DLGAP5: variants seen among roughly 807,000 people sequenced by gnomAD.
The protein encoded by DLGAP5 is disks large-associated protein 5.
Under a neutral mutation model 99.6 loss-of-function variants are expected in DLGAP5, and 90 were observed. The ratio of observed to expected loss-of-function variants is 0.90; its 90% CI spans 0.76 to 1.08. DLGAP5 has a LOEUF of 1.08. DLGAP5 is among the 50% of genes least tolerant of loss of function. The pLI is 0.00. For missense variants in DLGAP5, 1,036 were observed against 983.5 expected (o/e 1.05, Z -0.71); for synonymous variants, 311 against 321.3 (o/e 0.97, Z 0.34).
rs36046494 is a variant in DLGAP5 at position 55,180,785 on chromosome 14, GA to G, written c.581-8del. 5.8e-4 allele frequency: 917 copies of G among 1,593,552 alleles called. No homozygotes were observed. The highest frequency in any genetic ancestry group is 6.9e-4 in the Non-Finnish European group (809 of 1,169,250). On this transcript the variant is annotated splice_region_variant and splice_polypyrimidine_tract_variant and intron_variant, in intron 5 of 18. Transcript: ENST00000247191. ...GGCATTACAGGCTGCACAACTGTGG[GA>G]AAAAAAAATAACTACATCAAATGTC...
rs773419752 is a variant in DLGAP5, at chr14:55,154,597, T to C, written c.2063+20A>G. On this transcript the variant is annotated intron_variant, in intron 15 of 18. Transcript: ENST00000247191. The stretch of plus-strand genomic sequence containing the variant: ...AGTATCAGCAACTGTTAAACTCTTA[T>C]TAACATGTTAAAGAAATACCTGCTT... 1.3e-6 allele frequency: 2 copies of C among 1,599,142 alleles called. No individual in the cohort carries two copies. Among genetic ancestry groups the C allele is most frequent in the Admixed American group, 3.3e-5 (2 of 59,988 alleles).
intron 13 of DLGAP5, among the ~76,000 whole-genome samples, chr14:55,160,487 G>A (rs970561569): frequency 1.3e-5 from 2 of 151,654 alleles, no homozygotes; most frequent in Admixed American, 6.6e-5. Flanking sequence ...TTGATGTGTC[G>A]CCCAGGCTGG....
intron 13 of DLGAP5, among the ~76,000 whole-genome samples, chr14:55,159,432 A>G (rs1261852572): frequency 6.6e-6 from 1 of 152,212 alleles, no homozygotes; most frequent in Non-Finnish European, 1.5e-5. Context: ...AAGGAGTAAG[A>G]GATGAAAAAA....
intron 10 of DLGAP5, among the ~76,000 whole-genome samples, chr14:55,173,593 C>T (rs543442228): frequency 7.1e-6 from 1 of 141,058 alleles, no homozygotes; most frequent in South Asian, 2.1e-4. Context: ...TGTTGTCTCT[C>T]TCTCTCTCTC....
intron 5 of DLGAP5, 59 bp downstream of exon 5, chr14:55,181,153 TA>T (rs1181922805): frequency 5.3e-5 from 79 of 1,490,838 alleles, no homozygotes; most frequent in Middle Eastern, 1.7e-4. Flanking sequence ...TCAAGACACT[TA>T]AAAAAAATTA....
intron 18 of DLGAP5, among the ~76,000 whole-genome samples, chr14:55,149,291 A>G (rs979886017): frequency 6.6e-6 from 1 of 152,210 alleles, no homozygotes; most frequent in Non-Finnish European, 1.5e-5. Context: ...TCAGGTTTAC[A>G]TAAGTTGGCT....
chr14:55,168,959 G>A (rs550030733), intron 12 of DLGAP5, among the ~76,000 whole-genome samples: 28 of 152,042 alleles, frequency 1.8e-4, no homozygotes, highest in South Asian at 1.2e-3. Flanking sequence ...GGTGGATCAC[G>A]AGGTCAGAAG....
At chr14:55,167,009 A>G (rs1882667411) in intron 12 of DLGAP5, among the ~76,000 whole-genome samples, 1 of 151,928 alleles carries the variant, frequency 6.6e-6, no homozygotes, top group African/African-American at 2.4e-5. Context: ...TAATCCCAGC[A>G]CTTTGGGGGC....
At chr14:55,151,551 G>T in intron 17 of DLGAP5, 144 bp downstream of exon 17, 2 of 893,740 alleles carry the variant, frequency 2.2e-6, no homozygotes, top group Admixed American at 3.0e-5. Context: ...TGAGGGAATT[G>T]TTCTAATTCA....
rs757845770 is a variant in DLGAP5 at position 55,179,643 on chromosome 14, T to C, written c.760A>G (p.Thr254Ala). The stretch of plus-strand genomic sequence containing the variant: ...TTATTCTCTACCTTGTCGGGTTTTG[T>C]TTCTACATTTTTGGCAGGTCTTCCT... ...SKGRPAKNVETKPDKGISCKV... is the reference protein window; with the variant it reads ...SKGRPAKNVEAKPDKGISCKV... Residue 254 changes from threonine to alanine, a missense_variant, in exon 7 of 19, where the codon ACA (threonine) becomes GCA (alanine). By Grantham distance (58) the Thr-to-Ala change is moderately conservative. Coordinates refer to ENST00000247191, the MANE Select transcript of DLGAP5 (RefSeq NM_014750.5). 6.2e-7 allele frequency: 1 copy of C among 1,612,326 alleles called. No individual in the cohort carries two copies.
In DLGAP5 at chr14:55,150,821, G is replaced by C; in HGVS notation, c.2396C>G (p.Thr799Ser). ...SELFDNKSLT[T>S]ECHLLDSPGL... is the part of the protein sequence containing the mutation. ...TACTGAATCAAGAAGGTGGCATTCAGTAGTGAGACTTTTATTATCAAATAG... is the reference window on the plus strand; with the variant it reads ...TACTGAATCAAGAAGGTGGCATTCACTAGTGAGACTTTTATTATCAAATAG... Residue 799 changes from threonine to serine, a missense_variant, in exon 18 of 19, where the codon ACT becomes AGT. By Grantham distance (58) the Thr-to-Ser change is moderately conservative (BLOSUM62 1). Transcript: ENST00000247191. 1 of 1,579,874 alleles carries C rather than the reference G, an allele frequency of 6.3e-7. No individual in the cohort carries two copies. Among genetic ancestry groups the C allele is most frequent in the South Asian group, 1.2e-5 (1 of 83,994 alleles).
chr14:55,160,516 C>T (rs1265593052), intron 13 of DLGAP5, among the ~76,000 whole-genome samples: 4 of 151,888 alleles, frequency 2.6e-5, no homozygotes, highest in Admixed American at 6.6e-5. Context: ...GGCATGATCT[C>T]GGTTCAATGT....
At chr14:55,156,337 G>A (rs758011930) in intron 14 of DLGAP5, among the ~76,000 whole-genome samples, 11 of 152,154 alleles carry the variant, frequency 7.2e-5, no homozygotes, top group Non-Finnish European at 1.5e-4. Context: ...GAGGATACCA[G>A]ATACAGTTGA....
chr14:55,188,369 T>G (rs1185606298), intron 2 of DLGAP5, among the ~76,000 whole-genome samples: 7 of 152,248 alleles, frequency 4.6e-5, no homozygotes, highest in African/African-American at 1.7e-4. Context: ...CCAATCCTTC[T>G]GGGCAAACTG....
chr14:55,178,122 G>A (rs1315635236), intron 7 of DLGAP5, among the ~76,000 whole-genome samples: 2 of 151,530 alleles, frequency 1.3e-5, no homozygotes, highest in South Asian at 4.2e-4. Context: ...CGTGGTGGCA[G>A]GCGCCTATAG....
At chr14:55,153,894 A>G (rs2140304733) in intron 15 of DLGAP5, among the ~76,000 whole-genome samples, 1 of 152,194 alleles carries the variant, frequency 6.6e-6, no homozygotes, top group Non-Finnish European at 1.5e-5. Flanking sequence ...CGTCTCTACT[A>G]AAAATACAAA....
chr14:55,154,729 T>C lies in DLGAP5; in HGVS notation c.1951A>G (p.Arg651Gly), dbSNP rs1242713128. 1.2e-6 allele frequency: 2 copies of C among 1,614,014 alleles called. No homozygotes were observed. The highest frequency in any genetic ancestry group is 1.7e-6 in the Non-Finnish European group (2 of 1,179,974). The change falls in exon 15 of 19, where the codon AGA becomes GGA. Residue 651 changes from arginine (R) to glycine (G), a missense_variant. By Grantham distance (125) the Arg-to-Gly change is moderately radical. Coordinates refer to ENST00000247191, the MANE Select transcript of DLGAP5 (RefSeq NM_014750.5). ...KSVNKAVSQS[R>G]NEMGIPQQTT... is the part of the protein sequence containing the mutation. ...TGTTGTGGAATGCCCATCTCATTTC[T>C]ACTCTGAGATACAGCTTTGTTGACA... is the stretch of plus-strand genomic sequence containing the variant.
chr14:55,174,445 T>C (rs1425406213), intron 10 of DLGAP5, among the ~76,000 whole-genome samples: 2 of 152,180 alleles, frequency 1.3e-5, no homozygotes, highest in African/African-American at 4.8e-5. Context: ...AAGTACTTGA[T>C]GTCTGTGACC....
intron 12 of DLGAP5, among the ~76,000 whole-genome samples, chr14:55,169,048 C>T (rs1395654682): frequency 2.6e-5 from 4 of 151,400 alleles, no homozygotes; most frequent in Non-Finnish European, 4.4e-5. Flanking sequence ...AGGTGGCAGG[C>T]GCCTGTAGTC....
Sources: gnomAD v4.1 joint callset for allele counts (sites outside exome capture counted in the v4.1 genomes callset) on GRCh38, gnomAD v4.1.1 for gene constraint, MANE v1.5 for transcripts, NCBI Gene and HGNC (gene_info 2026-07-23, HGNC 2026-07-21) for gene names.